SORCS3: variants seen among roughly 807,000 people sequenced by gnomAD.
SORCS3 encodes sortilin related VPS10 domain containing receptor 3, also known as VPS10 domain-containing receptor SorCS3.
Under a neutral mutation model 146.3 loss-of-function variants are expected in SORCS3, and 57 were observed. That is an observed-to-expected ratio of 0.39 (90% CI 0.31 to 0.49). The LOEUF is 0.49. Among genes scored for constraint, SORCS3 ranks in the 20% least tolerant of loss-of-function variants. The pLI is 0.92. For synonymous variants in SORCS3, 653 were observed against 618.5 expected, an observed-to-expected ratio of 1.06 and a Z score of -0.83; for missense variants, 1,341 against 1,575.5, an observed-to-expected ratio of 0.85 and a Z score of 2.52.
chr10:105,031,626 C>T (rs2055268381), intron 4 of SORCS3, among the ~76,000 whole-genome samples: 1 of 152,176 alleles, frequency 6.6e-6, no homozygotes, highest in Non-Finnish European at 1.5e-5. Context: ...CAGCTCCTTC[C>T]AGCCTCAGGA....
chr10:104,767,149 A>G (rs2017190560), intron 1 of SORCS3, among the ~76,000 whole-genome samples: 1 of 152,172 alleles, frequency 6.6e-6, no homozygotes, highest in Non-Finnish European at 1.5e-5. Context: ...CTGACTCTCA[A>G]CATCTTGTTT....
intron 4 of SORCS3, among the ~76,000 whole-genome samples, chr10:105,038,983 A>G (rs7907205): frequency 0.037 from 5,627 of 152,314 alleles, 344 homozygotes; most frequent in African/African-American, 0.13. Context: ...GCCATTGCAG[A>G]GATAACTAAT....
chr10:104,649,347 C>G (rs1389882407), intron 1 of SORCS3, among the ~76,000 whole-genome samples: 1 of 152,220 alleles, frequency 6.6e-6, no homozygotes, highest in African/African-American at 2.4e-5. Context: ...GATATAGTAT[C>G]TCTACCTTGG....
chr10:104,794,648 A>AGGGAGGGAGG (rs2017532785), intron 1 of SORCS3, among the ~76,000 whole-genome samples: 1 of 151,480 alleles, frequency 6.6e-6, no homozygotes, highest in Non-Finnish European at 1.5e-5. Context: ...AGAGAGAGAG[A>AGGGAGGGAGG]GAGAGAGAGA....
intron 4 of SORCS3, among the ~76,000 whole-genome samples, chr10:104,991,562 T>C (rs1564730040): frequency 6.6e-6 from 1 of 150,498 alleles, no homozygotes; most frequent in African/African-American, 2.4e-5. Context: ...AGTGCAGTGG[T>C]GCGATCTTGG....
chr10:104,699,341 C>T (rs1027049257), intron 1 of SORCS3, among the ~76,000 whole-genome samples: 5 of 152,080 alleles, frequency 3.3e-5, no homozygotes, highest in African/African-American at 1.2e-4. Context: ...TCCCTGGAGT[C>T]TCCTTAAGAA....
chr10:104,647,401 A>AAGCAT (rs1322600644), intron 1 of SORCS3, among the ~76,000 whole-genome samples: 1 of 152,182 alleles, frequency 6.6e-6, no homozygotes, highest in African/African-American at 2.4e-5. Context: ...CTTTCCTTAG[A>AAGCAT]AGCATTTATT....
intron 20 of SORCS3, among the ~76,000 whole-genome samples, chr10:105,241,151 A>T (rs1341097894): frequency 6.6e-6 from 1 of 152,162 alleles, no homozygotes; most frequent in Non-Finnish European, 1.5e-5. Flanking sequence ...CAAATCATAA[A>T]ATATACATAT....
chr10:104,681,035 C>G (rs1184371057), intron 1 of SORCS3, among the ~76,000 whole-genome samples: 3 of 152,256 alleles, frequency 2.0e-5, no homozygotes, highest in South Asian at 2.1e-4. Context: ...AGCTCCGCCT[C>G]GGTTCCCCTC....
chr10:105,066,546 A>G (rs2055523844), intron 5 of SORCS3, among the ~76,000 whole-genome samples: 1 of 152,148 alleles, frequency 6.6e-6, no homozygotes. Context: ...TGTTACATCT[A>G]GAGACCTTAC....
intron 2 of SORCS3, among the ~76,000 whole-genome samples, chr10:104,886,451 C>A (rs932772942): frequency 6.6e-6 from 1 of 151,918 alleles, no homozygotes; most frequent in African/African-American, 2.4e-5. Flanking sequence ...TCAGAATAGG[C>A]AGATACACAG....
rs1319001203 is a variant in SORCS3 at position 105,264,959 on chromosome 10, CAGAG to C, written c.*1589_*1592del. 1 of 152,500 alleles carries C rather than the reference CAGAG, an allele frequency of 6.6e-6. No homozygotes were observed. Among genetic ancestry groups the C allele is most frequent in the Admixed American group, 6.6e-5 (1 of 15,266 alleles). The allele number at this position is 152,500 out of a possible 1,614,324, so 9.4% of individuals were successfully genotyped here. On this transcript the variant is annotated 3_prime_UTR_variant, in exon 27 of 27. Transcript: ENST00000369701. ...GTTGTTCCCATTCTTCTTTGTGAGACAGAGAGAATGTGATATAGAGAAATCTGGC... is the reference window on the plus strand; with the variant it reads ...GTTGTTCCCATTCTTCTTTGTGAGACAGAATGTGATATAGAGAAATCTGGC...
intron 9 of SORCS3, among the ~76,000 whole-genome samples, chr10:105,148,216 G>A (rs1564766935): frequency 6.6e-6 from 1 of 152,004 alleles, no homozygotes. Flanking sequence ...CCTGTTTTAT[G>A]AACAAATTTT....
chr10:105,245,901 G>A (rs2056863413), intron 21 of SORCS3, among the ~76,000 whole-genome samples: 1 of 152,144 alleles, frequency 6.6e-6, no homozygotes, highest in South Asian at 2.1e-4. Flanking sequence ...CTTGTTTGGG[G>A]TTCTTATTAG....
At chr10:104,796,136 T>A (rs1362078807) in intron 1 of SORCS3, among the ~76,000 whole-genome samples, 1 of 152,150 alleles carries the variant, frequency 6.6e-6, no homozygotes, top group Non-Finnish European at 1.5e-5. Context: ...CCCAGACGAG[T>A]AGAGCACAGT....
intron 4 of SORCS3, among the ~76,000 whole-genome samples, chr10:105,027,566 A>C (rs1453749103): frequency 6.6e-6 from 1 of 151,944 alleles, no homozygotes; most frequent in African/African-American, 2.4e-5. Flanking sequence ...ATCTATACTC[A>C]CCATGTTTTT....
intron 4 of SORCS3, among the ~76,000 whole-genome samples, chr10:105,007,652 C>G (rs1262395179): frequency 1.3e-5 from 2 of 152,048 alleles, no homozygotes; most frequent in Non-Finnish European, 2.9e-5. Context: ...GAACCCCCTC[C>G]CCCAACCCCC....
intron 16 of SORCS3, among the ~76,000 whole-genome samples, chr10:105,210,518 C>T (rs2056626992): frequency 6.6e-6 from 1 of 152,194 alleles, no homozygotes; most frequent in African/African-American, 2.4e-5. Context: ...TCCTTTTCTA[C>T]ACTGCTCTGT....
rs74155032 is a variant in SORCS3, at chr10:104,772,498, T to C, written c.628-70294T>C. 3.1e-3 allele frequency among the ~76,000 whole-genome samples: 479 copies of C among 152,350 alleles called. 2 individuals carry two copies. Among genetic ancestry groups the C allele is most frequent in the African/African-American group, 0.01 (432 of 41,590 alleles). On this transcript the variant is annotated intron_variant, in intron 1 of 26. Transcript: ENST00000369701. ...GTCATTTTCTTGTTACTCTTAACAA[T>C]GTCTGCTGGGTACTTTGGGCACTGT...
Sources: gnomAD v4.1 joint callset for allele counts (sites outside exome capture counted in the v4.1 genomes callset) on GRCh38, gnomAD v4.1.1 for gene constraint, MANE v1.5 for transcripts, NCBI Gene and HGNC (gene_info 2026-07-23, HGNC 2026-07-21) for gene names.